Variants in CNTN4 observed in about 807,000 individuals in gnomAD.
CNTN4 encodes the protein contactin-4.
A neutral mutation model predicts 122.5 loss-of-function variants in CNTN4; 77 were observed. That is an observed-to-expected ratio of 0.63 (90% CI 0.52 to 0.76). The LOEUF (loss-of-function observed/expected upper bound fraction) is 0.76. CNTN4 is among the 30% of genes least tolerant of loss of function. The probability of loss-of-function intolerance (pLI) is 0.00; values close to 1 mark genes in which losing one functional copy is unlikely to be tolerated. For missense variants in CNTN4, 1,256 were observed against 1,259.1 expected, an observed-to-expected ratio of 1.00 and a Z score of 0.04; for synonymous variants, 512 against 447.0, an observed-to-expected ratio of 1.15 and a Z score of -1.83.
At chr3:2,213,104 G>T (rs1303078632) in intron 2 of CNTN4, among the ~76,000 whole-genome samples, 1 of 152,164 alleles carries the variant, frequency 6.6e-6, no homozygotes, top group Non-Finnish European at 1.5e-5. Context: ...TAGGAATCTG[G>T]TTCACTGAAT....
At chr3:2,593,318 T>G (rs1230269808) in intron 4 of CNTN4, among the ~76,000 whole-genome samples, 3 of 152,234 alleles carry the variant, frequency 2.0e-5, no homozygotes, top group Non-Finnish European at 2.9e-5. Flanking sequence ...ATAAATAACA[T>G]TTGTTCATTC....
Position 2,933,218 on chromosome 3 carries a change from C to T in CNTN4, c.1358+7439C>T, listed in dbSNP as rs112056170. On this transcript the variant is annotated intron_variant, in intron 13 of 24. Coordinates refer to ENST00000418658, the MANE Select transcript of CNTN4 (RefSeq NM_175607.3). ...TCAAGGAAAAAGTCAGTTATGCATT[C>T]GTCGCAGGGTCAGCCAAGGGATAAT... 3.7e-3 allele frequency among the ~76,000 whole-genome samples: 564 copies of T among 152,204 alleles called. 8 individuals are homozygous for T. The highest frequency in any genetic ancestry group is 0.013 in the African/African-American group (533 of 41,512).
chr3:3,000,880 CTTTTTTT>C (rs59337830), intron 14 of CNTN4, among the ~76,000 whole-genome samples: 1 of 131,502 alleles, frequency 7.6e-6, no homozygotes, highest in African/African-American at 2.7e-5. Flanking sequence ...TTCTTTCTTT[CTTTTTTT>C]TTTTTTTTTG....
chr3:2,237,497 G>A (rs747776071), intron 2 of CNTN4, among the ~76,000 whole-genome samples: 1 of 152,014 alleles, frequency 6.6e-6, no homozygotes, highest in Non-Finnish European at 1.5e-5. Context: ...AAGGAAAAGC[G>A]AAAAGGGAGA....
Position 2,698,430 on chromosome 3 carries a change from G to A in CNTN4, c.56-37785G>A, listed in dbSNP as rs1057389730. Among the ~76,000 whole-genome samples the A allele has an allele frequency of 2.0e-5, 3 of 152,190 alleles. No individual in the cohort carries two copies. The South Asian group carries it at 6.2e-4, about 32-fold the overall frequency. ...TTTTAGAGATTAAATGACTTCATGC[G>A]GACCACGCCGTAATCTAAGGGTCTA... is the stretch of plus-strand genomic sequence containing the variant. On this transcript the variant is annotated intron_variant, in intron 4 of 24. Coordinates refer to ENST00000418658, the MANE Select transcript of CNTN4 (RefSeq NM_175607.3).
intron 4 of CNTN4, among the ~76,000 whole-genome samples, chr3:2,602,663 T>C (rs141232849): frequency 0.019 from 2,962 of 152,178 alleles, 106 homozygotes; most frequent in African/African-American, 0.066. Context: ...GGCCATACTG[T>C]CCAAGGTAAT....
At chr3:2,793,220 C>T (rs972564737) in intron 6 of CNTN4, among the ~76,000 whole-genome samples, 4 of 152,036 alleles carry the variant, frequency 2.6e-5, no homozygotes, top group Non-Finnish European at 4.4e-5. Flanking sequence ...TCTTCACTCT[C>T]GATTCCTATC....
chr3:2,388,895 C>T (rs527272904), intron 3 of CNTN4, among the ~76,000 whole-genome samples: 9 of 150,382 alleles, frequency 6.0e-5, no homozygotes, highest in East Asian at 1.9e-4. Context: ...CAGTGTCTCA[C>T]GCCTGTAATC....
intron 23 of CNTN4, among the ~76,000 whole-genome samples, chr3:3,049,450 C>G (rs1028423684): frequency 6.6e-6 from 1 of 152,172 alleles, no homozygotes; most frequent in Non-Finnish European, 1.5e-5. Context: ...GGATGAAGAG[C>G]TGTGGCATAG....
intron 13 of CNTN4, among the ~76,000 whole-genome samples, chr3:2,928,270 G>T (rs191153261): frequency 1.7e-4 from 26 of 152,302 alleles, no homozygotes; most frequent in African/African-American, 6.3e-4. Context: ...TAACTTCTGA[G>T]AACATGAAGT....
intron 12 of CNTN4, among the ~76,000 whole-genome samples, chr3:2,908,273 A>G (rs1162491577): frequency 1.3e-5 from 2 of 152,206 alleles, no homozygotes; most frequent in Non-Finnish European, 2.9e-5. Flanking sequence ...AACTTTTCTA[A>G]AGTAATAGTT....
intron 4 of CNTN4, among the ~76,000 whole-genome samples, chr3:2,627,551 TA>T (rs1559321526): frequency 1.2e-4 from 18 of 148,892 alleles, no homozygotes; most frequent in Non-Finnish European, 2.2e-4. Context: ...TGGAGTGTAG[TA>T]GCGCAATCTC....
chr3:2,999,094 A>G (rs1488510355), intron 14 of CNTN4: 1 of 152,228 alleles, frequency 6.6e-6, no homozygotes, highest in East Asian at 1.9e-4. Context: ...CTGTATCTTA[A>G]CTGTGTATGT....
At chr3:2,822,991 A>G (rs56763408) in intron 7 of CNTN4, among the ~76,000 whole-genome samples, 10,548 of 152,296 alleles carry the variant, frequency 0.069, 967 homozygotes, top group East Asian at 0.45. Flanking sequence ...AGAAAAGAAC[A>G]AAGAAGATAT....
At position 3,057,008 on chromosome 3, in the gene CNTN4, A is replaced by G. The variant is rs1701844047; in HGVS notation, c.*788A>G. 6.6e-6 allele frequency: 1 copy of G among 152,668 alleles called. No individual in the cohort carries two copies. The highest frequency in any genetic ancestry group is 2.1e-4 in the South Asian group (1 of 4,830). 9.5% of individuals were successfully genotyped at this position (152,668 alleles called of 1,614,324 possible). On this transcript the variant is annotated 3_prime_UTR_variant, in exon 25 of 25. Coordinates refer to ENST00000418658, the MANE Select transcript of CNTN4 (RefSeq NM_175607.3). Reference sequence around the variant, plus strand: ...GAGTTAGCATTGTCTTTGTGGTAGCATTATCTTAGACATTAAATTTGAAGT... The same window carrying G: ...GAGTTAGCATTGTCTTTGTGGTAGCGTTATCTTAGACATTAAATTTGAAGT...
At chr3:2,212,655 A>G (rs1370424468) in intron 2 of CNTN4, among the ~76,000 whole-genome samples, 1 of 152,240 alleles carries the variant, frequency 6.6e-6, no homozygotes, top group Non-Finnish European at 1.5e-5. Flanking sequence ...GGATAGGGAC[A>G]CAGCCAAACC....
intron 6 of CNTN4, among the ~76,000 whole-genome samples, chr3:2,776,737 T>G (rs552214072): frequency 6.6e-6 from 1 of 152,340 alleles, no homozygotes; most frequent in East Asian, 1.9e-4. Context: ...TATAGGTTCC[T>G]CTTGATTAAA....
intron 4 of CNTN4, among the ~76,000 whole-genome samples, chr3:2,630,534 G>C (rs1278745597): frequency 6.6e-6 from 1 of 152,074 alleles, no homozygotes; most frequent in Non-Finnish European, 1.5e-5. Flanking sequence ...ATTGCTTTAC[G>C]TTACCTATTG....
intron 12 of CNTN4, among the ~76,000 whole-genome samples, chr3:2,903,873 T>C (rs548181021): frequency 6.6e-4 from 101 of 152,296 alleles, no homozygotes; most frequent in African/African-American, 2.4e-3. Context: ...GCACATAGTA[T>C]GCACTCAATA....
Sources: gnomAD v4.1 joint callset for allele counts (sites outside exome capture counted in the v4.1 genomes callset) on GRCh38, gnomAD v4.1.1 for gene constraint, MANE v1.5 for transcripts, NCBI Gene and HGNC (gene_info 2026-07-23, HGNC 2026-07-21) for gene names.